CCDC68: variants seen among roughly 807,000 people sequenced by gnomAD.
CCDC68 encodes coiled-coil domain containing 68, also known as coiled-coil domain-containing protein 68.
CCDC68 carries 45 observed loss-of-function variants against 47.1 expected under a neutral mutation model. That is an observed-to-expected ratio of 0.96 (90% confidence interval 0.75 to 1.23). CCDC68 has a LOEUF of 1.23. CCDC68 is among the 50% of genes most tolerant of loss of function. The pLI, the probability that CCDC68 is intolerant of heterozygous loss-of-function variation, is 0.00. For missense variants in CCDC68, 353 were observed against 373.6 expected (o/e 0.94, Z 0.45); for synonymous variants, 131 against 129.5 (o/e 1.01, Z -0.08).
At chr18:54,936,213 AAT>A (rs1206450853) in intron 6 of CCDC68, among the ~76,000 whole-genome samples, 17 of 133,922 alleles carry the variant, frequency 1.3e-4, no homozygotes, top group Non-Finnish European at 2.7e-4. Flanking sequence ...TATATAGATA[AAT>A]ATATATCTAT....
rs1265136744 is a variant in CCDC68, at chr18:54,928,949, T to A, written c.601-67A>T. ...TATGTTTGGTAAGGCCTTCCTCTTG[T>A]CATACTATAACTATGGCTTGAGCTA... is the stretch of plus-strand genomic sequence containing the variant. On this transcript the variant is annotated intron_variant, in intron 7 of 11. Coordinates refer to ENST00000591504, the MANE Select transcript of CCDC68 (RefSeq NM_025214.3). 8 of 833,008 alleles carry A rather than the reference T, an allele frequency of 9.6e-6. No individual in the cohort carries two copies. In the Admixed American group the frequency reaches 1.5e-4, roughly 16 times the overall value. 51.6% of individuals were successfully genotyped at this position (833,008 alleles called of 1,614,324 possible). A position where few individuals can be genotyped will look rare whatever the true frequency, so the allele number is the denominator to read the frequency against.
intron 1 of CCDC68, among the ~76,000 whole-genome samples, chr18:54,957,671 TATATAA>T (rs2044738690): frequency 6.6e-6 from 1 of 151,426 alleles, no homozygotes; most frequent in African/African-American, 2.4e-5. Flanking sequence ...TTTCCAAACC[TATATAA>T]ATGGCTGTTT....
intron 8 of CCDC68, 126 bp from the exon 9 acceptor site, chr18:54,919,502 GC>G (rs2044016877): frequency 4.3e-6 from 3 of 694,336 alleles, no homozygotes; most frequent in Non-Finnish European, 7.8e-6. Context: ...AGACCCCGGG[GC>G]CCCATTATGC....
At chr18:54,905,409 AGAAGGAAG>A (rs35996831) in intron 11 of CCDC68, among the ~76,000 whole-genome samples, 1 of 107,716 alleles carries the variant, frequency 9.3e-6, no homozygotes, top group Non-Finnish European at 1.8e-5. Context: ...AAGGAAGGGA[AGAAGGAAG>A]GAAGGAAGGA....
chr18:54,909,260 G>T (rs1171322008), intron 10 of CCDC68, among the ~76,000 whole-genome samples: 1 of 152,138 alleles, frequency 6.6e-6, no homozygotes, highest in South Asian at 2.1e-4. Context: ...AAGTGTCTGC[G>T]ACCAAAAGGT....
chr18:54,934,492 G>A (rs2044311164), intron 7 of CCDC68, among the ~76,000 whole-genome samples: 1 of 152,114 alleles, frequency 6.6e-6, no homozygotes, highest in Non-Finnish European at 1.5e-5. Context: ...CTAATAGATG[G>A]ACTTTGTGAT....
chr18:54,917,497 T>C (rs1302263666), intron 10 of CCDC68, among the ~76,000 whole-genome samples: 1 of 152,186 alleles, frequency 6.6e-6, no homozygotes, highest in Non-Finnish European at 1.5e-5. Context: ...CTTTTAATAA[T>C]AATTTAATAA....
intron 2 of CCDC68, 50 bp downstream of exon 2, chr18:54,945,338 T>C (rs956550739): frequency 6.6e-6 from 1 of 152,210 alleles, no homozygotes; most frequent in Non-Finnish European, 1.5e-5. Flanking sequence ...ATTAATCCTA[T>C]GTTACTGATA....
chr18:54,934,051 T>C (rs961164797), intron 7 of CCDC68, among the ~76,000 whole-genome samples: 5 of 152,196 alleles, frequency 3.3e-5, no homozygotes, highest in Non-Finnish European at 5.9e-5. Flanking sequence ...ATAAAAAATG[T>C]ATTGGGCAAT....
At chr18:54,949,487 G>T (rs1193765607) in intron 1 of CCDC68, among the ~76,000 whole-genome samples, 1 of 152,218 alleles carries the variant, frequency 6.6e-6, no homozygotes, top group Non-Finnish European at 1.5e-5. Flanking sequence ...TTGAGGCAAA[G>T]ACAGAGTGAA....
At chr18:54,906,047 A>G (rs1428111572) in intron 11 of CCDC68, among the ~76,000 whole-genome samples, 1 of 152,174 alleles carries the variant, frequency 6.6e-6, no homozygotes, top group Non-Finnish European at 1.5e-5. Flanking sequence ...CTGATTCTAC[A>G]TTATAGTGAG....
chr18:54,923,440 T>TAAAAAAAAAA (rs541934468), intron 8 of CCDC68, among the ~76,000 whole-genome samples: 32 of 130,312 alleles, frequency 2.5e-4, no homozygotes, highest in Middle Eastern at 3.9e-3. Context: ...TCACTGTAAG[T>TAAAAAAAAAA]AAAAAAAAAA....
chr18:54,948,222 G>A (rs576563309), intron 1 of CCDC68, among the ~76,000 whole-genome samples: 1 of 152,252 alleles, frequency 6.6e-6, no homozygotes, highest in East Asian at 1.9e-4. Context: ...CACTGGAGTA[G>A]GGTGGATCCC....
At chr18:54,919,570 T>C (rs1568138835) in intron 8 of CCDC68, among the ~76,000 whole-genome samples, 194 bp from the exon 9 acceptor site, 1 of 152,184 alleles carries the variant, frequency 6.6e-6, no homozygotes, top group Non-Finnish European at 1.5e-5. Flanking sequence ...TTGATTGGAT[T>C]TAACTTGAAT....
At chr18:54,952,710 ACTC>A (rs1272879070) in intron 1 of CCDC68, among the ~76,000 whole-genome samples, 1 of 152,116 alleles carries the variant, frequency 6.6e-6, no homozygotes, top group Non-Finnish European at 1.5e-5. Context: ...GGTGAATACA[ACTC>A]CTCATTAAGA....
chr18:54,927,033 C>T (rs921708347), intron 8 of CCDC68, among the ~76,000 whole-genome samples: 1 of 152,044 alleles, frequency 6.6e-6, no homozygotes, highest in Non-Finnish European at 1.5e-5. Context: ...TTTTTATGAC[C>T]ATATCTATCT....
At chr18:54,936,155 T>G (rs1308945704) in intron 6 of CCDC68, among the ~76,000 whole-genome samples, 1 of 145,600 alleles carries the variant, frequency 6.9e-6, no homozygotes, top group Non-Finnish European at 1.5e-5. Flanking sequence ...ATATATTTAT[T>G]TATTATATTA....
chr18:54,937,842 G>C (rs1430979765), intron 5 of CCDC68, 115 bp downstream of exon 5: 4 of 725,012 alleles, frequency 5.5e-6, no homozygotes, highest in Admixed American at 3.4e-5. Flanking sequence ...CATGCAGATG[G>C]ACCTATGGAT....
Position 54,914,538 on chromosome 18 carries a change from A to C in CCDC68, c.873+3375T>G, listed in dbSNP as rs145147573. On this transcript the variant is annotated intron_variant, in intron 10 of 11. Transcript: ENST00000591504. ...GAGTGTGAGGTAGGAGAATTGCTTG[A>C]ACCCGGGAGGCCAAGGCTGCAGTGA... Among the ~76,000 whole-genome samples the C allele has an allele frequency of 1.4e-3, 207 of 152,198 alleles. No individual in the cohort carries two copies. In the South Asian group the frequency reaches 0.015, roughly 11 times the overall value.
Sources: allele counts gnomAD v4.1 joint callset (sites outside exome capture counted in the v4.1 genomes callset), GRCh38; gene constraint gnomAD v4.1.1; transcripts MANE v1.5; gene names NCBI Gene and HGNC (gene_info 2026-07-23, HGNC 2026-07-21).